The following PRELID2 variants were observed in gnomAD, a reference collection of about 807,000 sequenced individuals.
The protein encoded by PRELID2 is PRELI domain-containing protein 2.
PRELID2 carries 25 observed loss-of-function variants against 28.4 expected under a neutral mutation model. The observed-to-expected ratio is 0.88, with a 90% CI of 0.64 to 1.23. PRELID2 has a LOEUF of 1.23. Ranked by LOEUF, PRELID2 falls within the 50% of genes most tolerant of loss-of-function variation. The pLI is 0.00. For synonymous variants in PRELID2, 76 were observed against 71.6 expected (o/e 1.06, Z -0.31); for missense variants, 201 against 214.4 (o/e 0.94, Z 0.39).
At chr5:145,766,251 A>AT (rs1355835530) in intron 5 of PRELID2, among the ~76,000 whole-genome samples, 3 of 152,136 alleles carry the variant, frequency 2.0e-5, no homozygotes, top group Admixed American at 6.5e-5. Flanking sequence ...AATAATGATA[A>AT]GGGGAACTTA....
chr5:145,400,996 G>A, the PRELID2 span, among the ~76,000 whole-genome samples: 1 of 152,048 alleles, frequency 6.6e-6, no homozygotes, highest in African/African-American at 2.4e-5. Context: ...ATTACCACCA[G>A]ACAGCCTCCC....
chr5:145,421,310 A>T, the PRELID2 span, among the ~76,000 whole-genome samples: 5 of 149,214 alleles, frequency 3.4e-5, no homozygotes, highest in African/African-American at 9.9e-5. Context: ...AAGGAATGGT[A>T]CCAGTTCCTC....
chr5:145,397,479 A>G, the PRELID2 span, among the ~76,000 whole-genome samples: 1 of 152,154 alleles, frequency 6.6e-6, no homozygotes, highest in Non-Finnish European at 1.5e-5. Context: ...AAAAAACTTT[A>G]CTCAACAAAC....
the PRELID2 span, among the ~76,000 whole-genome samples, chr5:145,255,784 A>AGTAGATGAGGAG: frequency 6.6e-6 from 1 of 151,890 alleles, no homozygotes; most frequent in African/African-American, 2.4e-5. Flanking sequence ...CTGTCTCAAA[A>AGTAGATGAGGAG]ACTATATATA....
chr5:145,269,749 A>G, the PRELID2 span, among the ~76,000 whole-genome samples: 2 of 150,082 alleles, frequency 1.3e-5, no homozygotes, highest in Non-Finnish European at 3.0e-5. Context: ...TTAATTTAAC[A>G]AAAGTGGGCA....
chr5:145,376,834 A>T, the PRELID2 span, among the ~76,000 whole-genome samples: 1 of 152,008 alleles, frequency 6.6e-6, no homozygotes, highest in Non-Finnish European at 1.5e-5. Flanking sequence ...TTTTTGAAAG[A>T]CAGGTGTCTG....
intron 1 of PRELID2, among the ~76,000 whole-genome samples, chr5:145,580,109 C>G (rs1306123164): frequency 2.0e-5 from 3 of 152,030 alleles, no homozygotes; most frequent in East Asian, 1.9e-4. Flanking sequence ...TTTTGGCAAG[C>G]CTTCAGACCA....
the PRELID2 span, among the ~76,000 whole-genome samples, chr5:145,420,574 A>C: frequency 7.1e-4 from 96 of 135,848 alleles, no homozygotes; most frequent in African/African-American, 2.1e-3. Flanking sequence ...ATTTTTGTAC[A>C]TTGATTTTGT....
the PRELID2 span, among the ~76,000 whole-genome samples, chr5:145,328,305 TG>T: frequency 1.3e-5 from 2 of 152,212 alleles, no homozygotes; most frequent in African/African-American, 4.8e-5. Context: ...TACCCAATAA[TG>T]GGATTGCTGA....
chr5:145,609,025 A>T (rs955607658), intron 1 of PRELID2, among the ~76,000 whole-genome samples: 4 of 152,174 alleles, frequency 2.6e-5, no homozygotes, highest in African/African-American at 9.6e-5. Flanking sequence ...AAGCTCTGAG[A>T]TTCTCTCCTC....
chr5:145,531,602 C>A (rs994273108), intron 1 of PRELID2, among the ~76,000 whole-genome samples: 2 of 152,096 alleles, frequency 1.3e-5, no homozygotes, highest in African/African-American at 4.8e-5. Context: ...TCTGGAAGGC[C>A]CATTGCTCGT....
At chr5:145,549,908 C>A (rs549782025) in intron 1 of PRELID2, among the ~76,000 whole-genome samples, 56 of 152,238 alleles carry the variant, frequency 3.7e-4, no homozygotes, top group Middle Eastern at 6.8e-3. Context: ...AACTTTATAA[C>A]CTCATTTTAA....
the PRELID2 span, among the ~76,000 whole-genome samples, chr5:145,326,002 A>G: frequency 6.6e-6 from 1 of 152,068 alleles, no homozygotes; most frequent in East Asian, 1.9e-4. Flanking sequence ...AACAACACAC[A>G]ATTGGAAGAC....
At chr5:145,778,305 A>G (rs1758546134) in intron 5 of PRELID2, among the ~76,000 whole-genome samples, 1 of 152,114 alleles carries the variant, frequency 6.6e-6, no homozygotes. Context: ...TGAGAGATAC[A>G]GGGACGACTG....
intron 1 of PRELID2, among the ~76,000 whole-genome samples, chr5:145,683,106 A>G (rs1754970014): frequency 1.3e-5 from 2 of 152,202 alleles, no homozygotes; most frequent in African/African-American, 4.8e-5. Flanking sequence ...ATTTCTAGGT[A>G]GTACAGAACA....
chr5:145,457,402 C>T, the PRELID2 span, among the ~76,000 whole-genome samples: 2 of 152,128 alleles, frequency 1.3e-5, no homozygotes, highest in African/African-American at 4.8e-5. Flanking sequence ...CTCTCCCCCA[C>T]CCTCTATGTT....
the PRELID2 span, among the ~76,000 whole-genome samples, chr5:145,313,043 A>G: frequency 1.3e-5 from 2 of 152,152 alleles, no homozygotes; most frequent in African/African-American, 4.8e-5. Flanking sequence ...ATTCATATGG[A>G]ACCCCCCAAA....
At chr5:145,250,161 A>C in the PRELID2 span, among the ~76,000 whole-genome samples, 3 of 152,154 alleles carry the variant, frequency 2.0e-5, no homozygotes, top group Non-Finnish European at 4.4e-5. Flanking sequence ...ATTACTCTTT[A>C]GAATTACAAT....
intron 1 of PRELID2, among the ~76,000 whole-genome samples, chr5:145,615,572 C>A (rs1312376931): frequency 8.6e-6 from 1 of 116,908 alleles, no homozygotes; most frequent in African/African-American, 4.0e-5. Context: ...GTGATCTGCC[C>A]GCCTCGGCCT....
Sources: allele counts gnomAD v4.1 joint callset (sites outside exome capture counted in the v4.1 genomes callset), GRCh38; gene constraint gnomAD v4.1.1; transcripts MANE v1.5; gene names NCBI Gene and HGNC (gene_info 2026-07-23, HGNC 2026-07-21).